The following KHDRBS2 variants were observed in gnomAD, a reference collection of about 807,000 sequenced individuals.
KHDRBS2 encodes the protein KH domain-containing, RNA-binding, signal transduction-associated protein 2.
A neutral mutation model predicts 44.3 loss-of-function variants in KHDRBS2; 26 were observed. The observed-to-expected ratio is 0.59, with a 90% CI of 0.43 to 0.81. The LOEUF (loss-of-function observed/expected upper bound fraction) is 0.81. KHDRBS2 is among the 40% of genes least tolerant of loss of function. KHDRBS2 has a pLI of 0.00. For synonymous variants in KHDRBS2, 194 were observed against 151.1 expected, an observed-to-expected ratio of 1.28 and a Z score of -2.08; for missense variants, 476 against 433.1, an observed-to-expected ratio of 1.10 and a Z score of -0.88.
chr6:62,181,754 T>C (rs1431152202), intron 1 of KHDRBS2, among the ~76,000 whole-genome samples: 4 of 151,942 alleles, frequency 2.6e-5, no homozygotes, highest in Non-Finnish European at 5.9e-5. Flanking sequence ...GTTAGGCCTT[T>C]GGGAGGTGAT....
intron 4 of KHDRBS2, among the ~76,000 whole-genome samples, chr6:61,931,856 C>G (rs1350119044): frequency 6.6e-6 from 1 of 152,016 alleles, no homozygotes; most frequent in Non-Finnish European, 1.5e-5. Context: ...AAGACCAACC[C>G]ATCCTTTCCT....
chr6:62,014,235 A>G (rs1337603814), intron 3 of KHDRBS2, among the ~76,000 whole-genome samples: 1 of 152,286 alleles, frequency 6.6e-6, no homozygotes, highest in African/African-American at 2.4e-5. Flanking sequence ...ACAATATATT[A>G]GTTTCAAATG....
chr6:62,106,391 C>T (rs1803321946), intron 2 of KHDRBS2, among the ~76,000 whole-genome samples: 2 of 151,898 alleles, frequency 1.3e-5, no homozygotes, highest in African/African-American at 2.4e-5. Flanking sequence ...TTAAAGTCTC[C>T]CATTATTATT....
At chr6:61,843,258 A>G (rs143005826) in intron 6 of KHDRBS2, among the ~76,000 whole-genome samples, 28 of 151,930 alleles carry the variant, frequency 1.8e-4, no homozygotes, top group African/African-American at 6.3e-4. Flanking sequence ...GATTTTGGTG[A>G]TGGTTGCACA....
At chr6:61,915,351 T>C (rs1480866914) in intron 4 of KHDRBS2, among the ~76,000 whole-genome samples, 1 of 152,070 alleles carries the variant, frequency 6.6e-6, no homozygotes, top group Non-Finnish European at 1.5e-5. Context: ...GAACAAGTCA[T>C]ATCTGTCCTC....
chr6:62,055,894 G>A (rs541202339), intron 2 of KHDRBS2, among the ~76,000 whole-genome samples: 1 of 152,070 alleles, frequency 6.6e-6, no homozygotes, highest in Non-Finnish European at 1.5e-5. Flanking sequence ...CCGTGGATGT[G>A]GCAGCCCCAC....
intron 1 of KHDRBS2, among the ~76,000 whole-genome samples, chr6:62,200,944 A>T (rs1826843948): frequency 6.6e-6 from 1 of 152,182 alleles, no homozygotes; most frequent in Non-Finnish European, 1.5e-5. Context: ...AGGGGCATGG[A>T]TGAAGCTGGA....
chr6:62,228,341 T>C, intron 1 of KHDRBS2, among the ~76,000 whole-genome samples: 1 of 152,186 alleles, frequency 6.6e-6, no homozygotes, highest in East Asian at 1.9e-4. Flanking sequence ...TGATGGTAGT[T>C]TGTATTTCTG....
At chr6:61,910,572 C>T (rs763862824) in intron 4 of KHDRBS2, among the ~76,000 whole-genome samples, 2 of 152,120 alleles carry the variant, frequency 1.3e-5, no homozygotes. Context: ...AGTACCAATA[C>T]AGACAGTATG....
intron 3 of KHDRBS2, among the ~76,000 whole-genome samples, chr6:62,023,065 G>T (rs1478960291): frequency 4.6e-5 from 7 of 151,376 alleles, no homozygotes; most frequent in Admixed American, 4.6e-4. Flanking sequence ...CTTAGAACGT[G>T]AAAAAGAAAA....
At chr6:62,234,948 A>T (rs992364215) in intron 1 of KHDRBS2, among the ~76,000 whole-genome samples, 3 of 152,000 alleles carry the variant, frequency 2.0e-5, no homozygotes, top group African/African-American at 7.2e-5. Flanking sequence ...AATATTTAAA[A>T]TGCTAGTATA....
chr6:61,710,858 T>G lies in KHDRBS2; in HGVS notation c.894-13605A>C, dbSNP rs953987169. The stretch of plus-strand genomic sequence containing the variant: ...TCACAATGGTTTTTAACATCTAGTA[T>G]GCATAAGCATTATAAGGATGTTGTG... On this transcript the variant is annotated intron_variant, in intron 7 of 8. Transcript: ENST00000281156. 2.1e-5 allele frequency among the ~76,000 whole-genome samples: 3 copies of G among 139,804 alleles called. No individual in the cohort carries two copies. The South Asian group carries it at 7.4e-4, about 35-fold the overall frequency. 91.7% of individuals were successfully genotyped at this position (139,804 alleles called of 152,430 possible). A position where few individuals can be genotyped will look rare whatever the true frequency, so the allele number is the denominator to read the frequency against.
the KHDRBS2 span, among the ~76,000 whole-genome samples, chr6:61,593,328 A>T: frequency 6.6e-6 from 1 of 152,174 alleles, no homozygotes; most frequent in African/African-American, 2.4e-5. Flanking sequence ...GGGTAGGAGA[A>T]AAGTTGGAAA....
chr6:61,860,324 T>G (rs1372139776), intron 6 of KHDRBS2, among the ~76,000 whole-genome samples: 1 of 151,904 alleles, frequency 6.6e-6, no homozygotes, highest in East Asian at 1.9e-4. Flanking sequence ...ACCCAGGTAT[T>G]AAGCCTAGTA....
chr6:61,957,508 G>GC (rs1554293726), intron 4 of KHDRBS2, among the ~76,000 whole-genome samples: 1 of 100,278 alleles, frequency 1.0e-5, no homozygotes, highest in Non-Finnish European at 2.0e-5. Flanking sequence ...TGGCTGCTTT[G>GC]GGGGTGGCTG....
At chr6:62,260,826 T>C (rs1358744142) in intron 1 of KHDRBS2, among the ~76,000 whole-genome samples, 2 of 151,936 alleles carry the variant, frequency 1.3e-5, no homozygotes, top group Non-Finnish European at 2.9e-5. Flanking sequence ...ATAATGAGTA[T>C]GCACAATACC....
chr6:61,645,091 T>A, the KHDRBS2 span, among the ~76,000 whole-genome samples: 2 of 151,906 alleles, frequency 1.3e-5, no homozygotes, highest in African/African-American at 4.8e-5. Context: ...AAAAATTGAA[T>A]AAAGAAAATG....
intron 8 of KHDRBS2, among the ~76,000 whole-genome samples, chr6:61,682,017 G>C (rs1422597648): frequency 6.6e-6 from 1 of 151,924 alleles, no homozygotes; most frequent in Non-Finnish European, 1.5e-5. Context: ...ACAAAGGAAA[G>C]AAGGTTACTA....
intron 6 of KHDRBS2, among the ~76,000 whole-genome samples, chr6:61,773,717 C>T (rs374449030): frequency 6.6e-6 from 1 of 151,616 alleles, no homozygotes; most frequent in Non-Finnish European, 1.5e-5. Context: ...AAGTCCTTGC[C>T]CATGCCTATG....
Sources: allele counts gnomAD v4.1 joint callset (sites outside exome capture counted in the v4.1 genomes callset), GRCh38; gene constraint gnomAD v4.1.1; transcripts MANE v1.5; gene names NCBI Gene and HGNC (gene_info 2026-07-23, HGNC 2026-07-21).